The following HAAO variants were observed in gnomAD, a reference collection of about 807,000 sequenced individuals.
The protein encoded by HAAO is 3-hydroxyanthranilate oxygenase.
Under a neutral mutation model 46.2 loss-of-function variants are expected in HAAO, and 49 were observed. The ratio of observed to expected loss-of-function variants is 1.06; its 90% CI spans 0.84 to 1.34. The LOEUF (loss-of-function observed/expected upper bound fraction) is 1.34. Ranked by LOEUF, HAAO falls within the 40% of genes most tolerant of loss-of-function variation. The pLI, the probability that HAAO is intolerant of heterozygous loss-of-function variation, is 0.00. For synonymous variants in HAAO, 157 were observed against 145.2 expected (o/e 1.08, Z -0.58); for missense variants, 408 against 364.5 (o/e 1.12, Z -0.97).
chr2:42,791,154 C>T (rs956901435), intron 1 of HAAO, among the ~76,000 whole-genome samples: 1 of 152,130 alleles, frequency 6.6e-6, no homozygotes, highest in Non-Finnish European at 1.5e-5. Context: ...GTAGGGTGAG[C>T]CCCTGATCCA....
chr2:42,784,559 A>C, intron 2 of HAAO, among the ~76,000 whole-genome samples: 7 of 144,072 alleles, frequency 4.9e-5, no homozygotes, highest in South Asian at 2.2e-4. Context: ...TTCCTACTGC[A>C]TTTTTCCGAT....
chr2:42,770,658 C>G, intron 4 of HAAO, 76 bp from the exon 5 acceptor site: 3 of 896,908 alleles, frequency 3.3e-6, no homozygotes, highest in African/African-American at 1.7e-5. Flanking sequence ...AGGCCTGGCT[C>G]TGCTTGTAGA....
chr2:42,787,228 C>A (rs897734176), intron 2 of HAAO, among the ~76,000 whole-genome samples: 1 of 152,106 alleles, frequency 6.6e-6, no homozygotes, highest in African/African-American at 2.4e-5. Context: ...CACTCAGGCA[C>A]CTGAGCTTGG....
Position 42,767,722 on chromosome 2 carries a change from C to T in HAAO, c.700-45G>A, listed in dbSNP as rs955536495. ...GAATCAAATGGAGACTGTTGGGCCT[C>T]ATCACCTGGGTGAATGTCTGAGTCT... On this transcript the variant is annotated intron_variant, in intron 8 of 9. Transcript: ENST00000294973. 10 of 1,551,620 alleles carry T rather than the reference C, an allele frequency of 6.4e-6. No individual in the cohort carries two copies. In the East Asian group the frequency reaches 1.6e-4, roughly 25 times the overall value.
At position 42,788,750 on chromosome 2, in the gene HAAO, A is replaced by G. The variant is rs1338154886; in HGVS notation, c.81-143T>C. ...TTGGCCTCACTGTCCCTGTTCCCCA[A>G]CTCTCATCCCCGGTTCATGCCTGCG... On this transcript the variant is annotated intron_variant, in intron 1 of 9. Coordinates refer to ENST00000294973, the MANE Select transcript of HAAO (RefSeq NM_012205.3). 4 of 675,026 alleles carry G rather than the reference A, an allele frequency of 5.9e-6. No individual in the cohort carries two copies. In the East Asian group the frequency reaches 8.1e-5, roughly 14 times the overall value. The allele number at this position is 675,026 out of a possible 1,614,324, so 41.8% of individuals were successfully genotyped here. A position where few individuals can be genotyped will look rare whatever the true frequency, so the allele number is the denominator to read the frequency against.
intron 4 of HAAO, among the ~76,000 whole-genome samples, chr2:42,774,039 T>C (rs996777839): frequency 4.6e-5 from 7 of 152,240 alleles, no homozygotes; most frequent in African/African-American, 1.4e-4. Flanking sequence ...CCTCCCTGCT[T>C]TGAGTCATCC....
intron 4 of HAAO, among the ~76,000 whole-genome samples, chr2:42,773,583 A>ATTTTTTT: frequency 8.1e-6 from 1 of 123,120 alleles, no homozygotes; most frequent in Non-Finnish European, 1.7e-5. Flanking sequence ...CCTACCCCCT[A>ATTTTTTT]TTTTTTTTTT....
chr2:42,782,986 A>T, intron 4 of HAAO: 1 of 435,580 alleles, frequency 2.3e-6, no homozygotes, highest in Non-Finnish European at 4.3e-6. Context: ...CCTTGGCAAA[A>T]CAAACTTTTA....
intron 1 of HAAO, among the ~76,000 whole-genome samples, chr2:42,790,724 G>A (rs1388390000): frequency 2.6e-5 from 4 of 152,018 alleles, no homozygotes; most frequent in Non-Finnish European, 4.4e-5. Context: ...CAGAGACGGG[G>A]TTTCACCATG....
At chr2:42,784,852 C>A (rs1022467468) in intron 2 of HAAO, among the ~76,000 whole-genome samples, 4 of 152,126 alleles carry the variant, frequency 2.6e-5, no homozygotes, top group African/African-American at 9.7e-5. Flanking sequence ...CAGTTCACAC[C>A]CCTGGAGGGA....
Position 42,777,639 on chromosome 2 carries a change from A to G in HAAO, c.350+5675T>C, listed in dbSNP as rs551130134. On this transcript the variant is annotated intron_variant, in intron 4 of 9. Transcript: ENST00000294973. Reference sequence around the variant, plus strand: ...ATAACTTTAAATAATGACAATCACAATTTTTAGAAATAATCTAAGTAAATG... The same window carrying G: ...ATAACTTTAAATAATGACAATCACAGTTTTTAGAAATAATCTAAGTAAATG... 9.8e-5 allele frequency among the ~76,000 whole-genome samples: 15 copies of G among 152,288 alleles called. No individual in the cohort carries two copies. The East Asian group carries it at 2.5e-3, about 25-fold the overall frequency.
intron 4 of HAAO, chr2:42,783,106 CAG>C (rs1438528159): frequency 8.6e-6 from 5 of 583,110 alleles, no homozygotes; most frequent in Non-Finnish European, 1.5e-5. Flanking sequence ...CAGGGGGTCA[CAG>C]AGAACAGAAT....
At chr2:42,780,850 G>A (rs1029250104) in intron 4 of HAAO, among the ~76,000 whole-genome samples, 8 of 148,644 alleles carry the variant, frequency 5.4e-5, no homozygotes, top group Non-Finnish European at 1.0e-4. Context: ...GGTGGATTAC[G>A]AGGTCAGGAG....
At position 42,792,579 on chromosome 2, in the gene HAAO, C is replaced by A; in HGVS notation, c.-43G>T. The A allele has an allele frequency of 7.1e-7, 1 of 1,410,354 alleles. No individual in the cohort carries two copies. The highest frequency in any genetic ancestry group is 9.5e-7 in the Non-Finnish European group (1 of 1,048,360). 87.4% of individuals were successfully genotyped at this position (1,410,354 alleles called of 1,614,324 possible). On this transcript the variant is annotated 5_prime_UTR_variant, in exon 1 of 10. Transcript: ENST00000294973. Reference sequence around the variant, plus strand: ...CCTCGCAGCGCTGTCCTCCCGCCGTCGGAGGCCCGCAGCTCCGCCCAGCCG... The same window carrying A: ...CCTCGCAGCGCTGTCCTCCCGCCGTAGGAGGCCCGCAGCTCCGCCCAGCCG...
chr2:42,769,910 G>A (rs766626716), intron 6 of HAAO, 52 bp from the exon 7 acceptor site: 1 of 1,522,948 alleles, frequency 6.6e-7, no homozygotes, highest in Non-Finnish European at 8.8e-7. Flanking sequence ...AGCCCACCCA[G>A]CCCCAGTGGG....
At chr2:42,768,040 A>C in intron 7 of HAAO, 112 bp from the exon 8 acceptor site, 1 of 868,558 alleles carries the variant, frequency 1.2e-6, no homozygotes, top group Non-Finnish European at 1.9e-6. Flanking sequence ...GGGCCCATGA[A>C]ACAGCCCCAT....
chr2:42,786,738 G>T (rs576991705), intron 2 of HAAO, among the ~76,000 whole-genome samples: 3 of 152,336 alleles, frequency 2.0e-5, no homozygotes, highest in African/African-American at 7.2e-5. Flanking sequence ...GAGTATAGGT[G>T]GTAGGTGGCG....
chr2:42,775,680 GCACCCT>G (rs1040543557), intron 4 of HAAO, among the ~76,000 whole-genome samples: 3 of 151,050 alleles, frequency 2.0e-5, no homozygotes, highest in African/African-American at 7.3e-5. Context: ...CCTTTCTCCT[GCACCCT>G]CTGCTGCATG....
rs556089031 is a variant in HAAO at position 42,790,781 on chromosome 2, C to T, written c.80+1676G>A. On this transcript the variant is annotated intron_variant, in intron 1 of 9. Coordinates refer to ENST00000294973, the MANE Select transcript of HAAO (RefSeq NM_012205.3). ...TCCTGACCCCAAATGATCCACCCACCTCAGCCTCCCAAAGTGCTGGGATTA... is the reference window on the plus strand; with the variant it reads ...TCCTGACCCCAAATGATCCACCCACTTCAGCCTCCCAAAGTGCTGGGATTA... Among the ~76,000 whole-genome samples, 179 of 152,316 alleles carry T rather than the reference C, an allele frequency of 1.2e-3. 2 individuals carry two copies. The highest frequency in any genetic ancestry group is 4.0e-3 in the African/African-American group (166 of 41,546).
Sources: allele counts gnomAD v4.1 joint callset (sites outside exome capture counted in the v4.1 genomes callset), GRCh38; gene constraint gnomAD v4.1.1; transcripts MANE v1.5; gene names NCBI Gene and HGNC (gene_info 2026-07-23, HGNC 2026-07-21).